The following PCBP3 variants were observed in gnomAD, a reference collection of about 807,000 sequenced individuals.
The protein encoded by PCBP3 is poly(rC)-binding protein 3.
Under a neutral mutation model 52.7 loss-of-function variants are expected in PCBP3, and 25 were observed. The observed-to-expected ratio is 0.47, with a 90% CI of 0.35 to 0.66. PCBP3 has a LOEUF of 0.66. Ranked by LOEUF, PCBP3 falls within the 30% of genes least tolerant of loss-of-function variation. The pLI is 0.01. For missense variants in PCBP3, 391 were observed against 490.3 expected (o/e 0.80, Z 1.91); for synonymous variants, 162 against 183.0 (o/e 0.89, Z 0.93).
intron 1 of PCBP3, among the ~76,000 whole-genome samples, chr21:45,661,246 G>C (rs1425264921): frequency 2.0e-5 from 3 of 152,004 alleles, no homozygotes; most frequent in Non-Finnish European, 4.4e-5. Flanking sequence ...TTTAGTATAA[G>C]CATCACCTGA....
At chr21:45,871,156 AC>A (rs2094992545) in intron 5 of PCBP3, 2 of 166,356 alleles carry the variant, frequency 1.2e-5, no homozygotes, top group South Asian at 1.0e-4. Context: ...AGAGATGGGA[AC>A]CCCCCAGGGA....
intron 3 of PCBP3, among the ~76,000 whole-genome samples, chr21:45,747,190 G>A (rs1440973687): frequency 6.6e-6 from 1 of 152,196 alleles, no homozygotes; most frequent in Non-Finnish European, 1.5e-5. Flanking sequence ...GAGCATGTGC[G>A]AGGGAACTGC....
chr21:45,801,368 G>T (rs1366710964), intron 4 of PCBP3, among the ~76,000 whole-genome samples: 6 of 152,208 alleles, frequency 3.9e-5, no homozygotes, highest in Admixed American at 3.9e-4. Context: ...GTCTGGGCTG[G>T]CCCCTCCCTG....
At chr21:45,727,590 A>T (rs1401891407) in intron 2 of PCBP3, among the ~76,000 whole-genome samples, 7 of 152,204 alleles carry the variant, frequency 4.6e-5, no homozygotes, top group Non-Finnish European at 8.8e-5. Context: ...CAGGGGGAGC[A>T]GGCTTAGGAG....
At chr21:45,771,815 T>A (rs1451201769) in intron 4 of PCBP3, among the ~76,000 whole-genome samples, 1 of 152,160 alleles carries the variant, frequency 6.6e-6, no homozygotes, top group African/African-American at 2.4e-5. Flanking sequence ...AAACTGTCTT[T>A]CCTCTCAGTC....
At chr21:45,781,672 A>C (rs989740127) in intron 4 of PCBP3, among the ~76,000 whole-genome samples, 18 of 152,226 alleles carry the variant, frequency 1.2e-4, no homozygotes, top group African/African-American at 4.3e-4. Flanking sequence ...ACACCTTTGA[A>C]CAGGAACATC....
At chr21:45,844,414 G>A (rs956088150) in intron 4 of PCBP3, among the ~76,000 whole-genome samples, 2 of 152,096 alleles carry the variant, frequency 1.3e-5, no homozygotes, top group African/African-American at 2.4e-5. Context: ...GTCACCCAGC[G>A]CAAGGTGAGG....
intron 13 of PCBP3, among the ~76,000 whole-genome samples, chr21:45,923,269 C>A (rs1015085475): frequency 8.5e-5 from 13 of 152,332 alleles, no homozygotes; most frequent in Admixed American, 2.6e-4. Context: ...GCCGCATGCT[C>A]TGGGCACATG....
In PCBP3 at chr21:45,904,277, C is replaced by T. The variant is rs892318289; in HGVS notation, c.339+3164C>T. 2.0e-4 allele frequency among the ~76,000 whole-genome samples: 31 copies of T among 152,220 alleles called. No individual in the cohort carries two copies. The highest frequency in any genetic ancestry group is 1.3e-4 in the Admixed American group (2 of 15,282). On this transcript the variant is annotated intron_variant, in intron 9 of 17. Coordinates refer to ENST00000681687, the MANE Select transcript of PCBP3 (RefSeq NM_001384156.1). This position sits in a 1 kb window ranked among gnomAD's most constrained non-coding sequence, Gnocchi z 4.8. ...GGAAGAGCTGAGATGTCTCCAAGCG[C>T]GCAGACTGTATGGCCAAGGAAGCTC... is the stretch of plus-strand genomic sequence containing the variant.
intron 4 of PCBP3, among the ~76,000 whole-genome samples, chr21:45,794,533 G>T (rs2091814836): frequency 6.6e-6 from 1 of 152,220 alleles, no homozygotes; most frequent in Non-Finnish European, 1.5e-5. Context: ...AGGTGGAGTA[G>T]AATGGAAAAC....
chr21:45,901,464 CACCTCCA>C (rs1603481998), intron 9 of PCBP3: 2 of 282,166 alleles, frequency 7.1e-6, no homozygotes, highest in East Asian at 1.6e-4. Context: ...GCCACACCAG[CACCTCCA>C]GCCTCCAGCC....
intron 3 of PCBP3, among the ~76,000 whole-genome samples, chr21:45,744,577 A>T (rs2086689327): frequency 6.6e-6 from 1 of 151,950 alleles, no homozygotes; most frequent in Non-Finnish European, 1.5e-5. Flanking sequence ...CATTTGTCTA[A>T]TTTTTTCTCC....
intron 4 of PCBP3, among the ~76,000 whole-genome samples, chr21:45,835,661 G>A (rs1349599483): frequency 6.6e-6 from 1 of 152,206 alleles, no homozygotes; most frequent in East Asian, 1.9e-4. Context: ...CCTGGGCGTG[G>A]CCCCACATCC....
rs1160085024 is a variant in PCBP3 at position 45,802,732 on chromosome 21, C to A, written c.-125-47229C>A. 6.6e-6 allele frequency among the ~76,000 whole-genome samples: 1 copy of A among 152,130 alleles called. No individual in the cohort carries two copies. Among genetic ancestry groups the A allele is most frequent in the Non-Finnish European group, 1.5e-5 (1 of 68,036 alleles). ...GGCAGGAGCAGGAGGGGCATCGTGT[C>A]CCCAAGGACCCCAGGCAGGGCCTCC... On this transcript the variant is annotated intron_variant, in intron 4 of 17. Coordinates refer to ENST00000681687, the MANE Select transcript of PCBP3 (RefSeq NM_001384156.1). The surrounding 1 kb of genome is among the most constrained non-coding windows in gnomAD (Gnocchi z 5.1).
intron 4 of PCBP3, among the ~76,000 whole-genome samples, chr21:45,813,066 C>A (rs1035260135): frequency 5.3e-5 from 8 of 151,756 alleles, no homozygotes; most frequent in African/African-American, 1.9e-4. Flanking sequence ...TTGACACTAG[C>A]CATCAAATTT....
At chr21:45,701,634 C>T (rs931552278) in intron 2 of PCBP3, among the ~76,000 whole-genome samples, 2 of 152,196 alleles carry the variant, frequency 1.3e-5, no homozygotes, top group African/African-American at 4.8e-5. Context: ...AATCTCGGCT[C>T]ACTGCAACCT....
chr21:45,742,082 C>G (rs2086491437), intron 3 of PCBP3, among the ~76,000 whole-genome samples: 2 of 152,318 alleles, frequency 1.3e-5, no homozygotes, highest in South Asian at 4.1e-4. Context: ...ATCTAGGTAT[C>G]ATTTATTGGA....
At chr21:45,740,437 CTT>C (rs1194604345) in intron 3 of PCBP3, among the ~76,000 whole-genome samples, 1 of 152,226 alleles carries the variant, frequency 6.6e-6, no homozygotes, top group Admixed American at 6.5e-5. Flanking sequence ...GTGACCTCTG[CTT>C]CCTCTTAAAA....
chr21:45,678,961 A>G (rs1188712999), intron 2 of PCBP3, among the ~76,000 whole-genome samples: 1 of 152,096 alleles, frequency 6.6e-6, no homozygotes, highest in Non-Finnish European at 1.5e-5. Flanking sequence ...AGAAATTGCC[A>G]CAGCCACCCC....
Sources: gnomAD v4.1 joint callset for allele counts (sites outside exome capture counted in the v4.1 genomes callset) on GRCh38, gnomAD v4.1.1 for gene constraint, Gnocchi (gnomAD v3.1) non-coding constraint, MANE v1.5 for transcripts, NCBI Gene and HGNC (gene_info 2026-07-23, HGNC 2026-07-21) for gene names.